Variants in STK32B observed in about 807,000 individuals in gnomAD.
The protein encoded by STK32B is serine/threonine kinase 32B, also known as serine/threonine-protein kinase 32B.
A neutral mutation model predicts 52.6 loss-of-function variants in STK32B; 43 were observed. That is an observed-to-expected ratio of 0.82 (90% CI 0.64 to 1.05). The LOEUF (loss-of-function observed/expected upper bound fraction) is 1.05, where lower values mean the gene tolerates loss of function less well. STK32B is among the 50% of genes least tolerant of loss of function. The pLI is 0.00. For synonymous variants in STK32B, 238 were observed against 204.3 expected (o/e 1.17, Z -1.41); for missense variants, 621 against 534.6 (o/e 1.16, Z -1.59).
chr4:5,372,663 A>AT (rs1288931986), intron 4 of STK32B, among the ~76,000 whole-genome samples: 1 of 148,136 alleles, frequency 6.8e-6, no homozygotes, highest in Non-Finnish European at 1.5e-5. Context: ...TACCTGTATC[A>AT]TTACAGTAAT....
intron 3 of STK32B, among the ~76,000 whole-genome samples, chr4:5,325,108 T>C (rs1731787550): frequency 6.6e-6 from 1 of 152,226 alleles, no homozygotes; most frequent in Non-Finnish European, 1.5e-5. Context: ...CTTTACCCCA[T>C]GTGGCATTGC....
chr4:5,493,648 C>G (rs1719942874), intron 11 of STK32B, among the ~76,000 whole-genome samples: 1 of 152,132 alleles, frequency 6.6e-6, no homozygotes, highest in African/African-American at 2.4e-5. Flanking sequence ...TCTTGCTTCT[C>G]TAGTTCTTTT....
At chr4:5,103,444 C>A (rs1321033697) in intron 1 of STK32B, among the ~76,000 whole-genome samples, 2 of 152,210 alleles carry the variant, frequency 1.3e-5, no homozygotes, top group Non-Finnish European at 2.9e-5. Flanking sequence ...TTTTCTCACT[C>A]CCCATTATTT....
intron 11 of STK32B, among the ~76,000 whole-genome samples, chr4:5,478,554 T>G (rs538969055): frequency 1.1e-3 from 172 of 152,292 alleles, no homozygotes; most frequent in Middle Eastern, 6.8e-3. Context: ...GGTTTAAAAG[T>G]GGAACTGCCA....
chr4:5,313,983 A>G (rs765850114), intron 3 of STK32B, among the ~76,000 whole-genome samples: 5 of 152,230 alleles, frequency 3.3e-5, no homozygotes, highest in Non-Finnish European at 7.3e-5. Context: ...GATGCAACAT[A>G]GTAAAGATAA....
intron 3 of STK32B, among the ~76,000 whole-genome samples, chr4:5,177,040 A>G (rs993453146): frequency 2.6e-5 from 4 of 152,198 alleles, no homozygotes; most frequent in East Asian, 1.9e-4. Flanking sequence ...AGAAGACATG[A>G]AAGTATATTT....
intron 3 of STK32B, among the ~76,000 whole-genome samples, chr4:5,259,180 A>G (rs1329469888): frequency 6.6e-6 from 1 of 152,186 alleles, no homozygotes; most frequent in Non-Finnish European, 1.5e-5. Context: ...TTTTTTCTAT[A>G]GCAAGAATCA....
intron 6 of STK32B, among the ~76,000 whole-genome samples, chr4:5,444,431 A>G (rs1280748989): frequency 2.6e-5 from 4 of 152,220 alleles, no homozygotes; most frequent in South Asian, 2.1e-4. Flanking sequence ...GCGCTTCCCA[A>G]GTGAGGCAAT....
At position 5,410,127 on chromosome 4, in the gene STK32B, T is replaced by C. The variant is rs920630463; in HGVS notation, c.473-6718T>C. ...TCCTGTGTTGAACAGTGGCAGCCAA[T>C]GTTACAATCAGCGCCCACGGCTCCA... is the stretch of plus-strand genomic sequence containing the variant. On this transcript the variant is annotated intron_variant, in intron 5 of 11. Transcript: ENST00000282908. Among the ~76,000 whole-genome samples, 6 of 152,142 alleles carry C rather than the reference T, an allele frequency of 3.9e-5. 1 individual carries two copies. The highest frequency in any genetic ancestry group is 1.4e-4 in the African/African-American group (6 of 41,404).
intron 3 of STK32B, among the ~76,000 whole-genome samples, chr4:5,291,145 G>A (rs74698622): frequency 0.019 from 2,846 of 152,148 alleles, 54 homozygotes; most frequent in Non-Finnish European, 0.029. Context: ...TTATTTTGGT[G>A]ATTATGTATC....
chr4:5,124,940 T>C (rs776311498), intron 1 of STK32B, among the ~76,000 whole-genome samples: 40 of 152,156 alleles, frequency 2.6e-4, no homozygotes, highest in Non-Finnish European at 5.3e-4. Flanking sequence ...GTGGACCTAA[T>C]CTAATGACAG....
chr4:5,258,294 G>A (rs924229051), intron 3 of STK32B, among the ~76,000 whole-genome samples: 2 of 152,198 alleles, frequency 1.3e-5, no homozygotes, highest in Admixed American at 1.3e-4. Flanking sequence ...CTGCCCATGT[G>A]CCCTTACAGT....
chr4:5,257,659 G>A (rs1162437897), intron 3 of STK32B, among the ~76,000 whole-genome samples: 1 of 152,196 alleles, frequency 6.6e-6, no homozygotes, highest in Non-Finnish European at 1.5e-5. Context: ...ATACAGTGGG[G>A]GCTGGGCATG....
intron 1 of STK32B, among the ~76,000 whole-genome samples, chr4:5,095,847 G>C (rs538593119): frequency 6.6e-6 from 1 of 152,280 alleles, no homozygotes; most frequent in East Asian, 1.9e-4. Flanking sequence ...CAATGGAGTG[G>C]TTAAGTCATT....
chr4:5,447,152 G>A (rs2109123544), intron 7 of STK32B: 1 of 166,494 alleles, frequency 6.0e-6, no homozygotes, highest in Non-Finnish European at 1.3e-5. Context: ...TAAAGGTGAA[G>A]ACCATGCTTC....
chr4:5,116,962 A>G (rs976218541), intron 1 of STK32B, among the ~76,000 whole-genome samples: 1 of 152,226 alleles, frequency 6.6e-6, no homozygotes, highest in Non-Finnish European at 1.5e-5. Flanking sequence ...GTTAGTGTGT[A>G]GAAAAACAAC....
intron 3 of STK32B, among the ~76,000 whole-genome samples, chr4:5,195,790 C>T (rs557578183): frequency 6.6e-6 from 1 of 152,330 alleles, no homozygotes; most frequent in Non-Finnish European, 1.5e-5. Context: ...AGTGACCTCA[C>T]TTGGTCATAT....
rs180688476 is a variant in STK32B, at chr4:5,196,754, A to C, written c.260+28304A>C. Among the ~76,000 whole-genome samples, 3 of 151,954 alleles carry C rather than the reference A, an allele frequency of 2.0e-5. No homozygotes were observed. The East Asian group carries it at 5.8e-4, about 29-fold the overall frequency. On this transcript the variant is annotated intron_variant, in intron 3 of 11. Transcript: ENST00000282908. ...AAAATAAAATAAAATAAAATAAAATAAAATAAAATAGATAAATATTACTAC... is the reference window on the plus strand; with the variant it reads ...AAAATAAAATAAAATAAAATAAAATCAAATAAAATAGATAAATATTACTAC...
intron 4 of STK32B, among the ~76,000 whole-genome samples, chr4:5,338,388 C>G (rs897200689): frequency 6.6e-6 from 1 of 152,206 alleles, no homozygotes; most frequent in Non-Finnish European, 1.5e-5. Flanking sequence ...AAGTGCGATG[C>G]TGTACTTCCT....
Sources: gnomAD v4.1 joint callset for allele counts (sites outside exome capture counted in the v4.1 genomes callset) on GRCh38, gnomAD v4.1.1 for gene constraint, MANE v1.5 for transcripts, NCBI Gene and HGNC (gene_info 2026-07-23, HGNC 2026-07-21) for gene names.